SCFD2: variants seen among roughly 807,000 people sequenced by gnomAD.
The protein encoded by SCFD2 is sec1 family domain containing 2.
Under a neutral mutation model 58.9 loss-of-function variants are expected in SCFD2, and 54 were observed. That is an observed-to-expected ratio of 0.92 (90% CI 0.74 to 1.15). SCFD2 has a LOEUF of 1.15. Among genes scored for constraint, SCFD2 ranks in the 50% most tolerant of loss-of-function variants. SCFD2 has a pLI of 0.00. For synonymous variants in SCFD2, 321 were observed against 335.9 expected (o/e 0.96, Z 0.49); for missense variants, 805 against 836.6 (o/e 0.96, Z 0.47).
chr4:53,258,315 G>A (rs766339049), intron 4 of SCFD2, among the ~76,000 whole-genome samples: 12 of 151,620 alleles, frequency 7.9e-5, no homozygotes, highest in Non-Finnish European at 1.5e-4. Flanking sequence ...TTTATCCCCC[G>A]CCTACACACA....
At chr4:52,888,486 A>G (rs1718804435) in intron 7 of SCFD2, among the ~76,000 whole-genome samples, 1 of 152,200 alleles carries the variant, frequency 6.6e-6, no homozygotes, top group Non-Finnish European at 1.5e-5. Context: ...CAGACACCAT[A>G]GCAATGCTGC....
At chr4:53,094,940 A>C (rs1724575010) in intron 5 of SCFD2, among the ~76,000 whole-genome samples, 1 of 152,114 alleles carries the variant, frequency 6.6e-6, no homozygotes, top group African/African-American at 2.4e-5. Context: ...CAATGGTCAA[A>C]ACTCAGTCCT....
chr4:53,040,017 C>A (rs1168515088), intron 5 of SCFD2, among the ~76,000 whole-genome samples: 1 of 152,164 alleles, frequency 6.6e-6, no homozygotes, highest in African/African-American at 2.4e-5. Flanking sequence ...GCTTATCTTC[C>A]CAACACGGCT....
chr4:52,943,127 C>T (rs907343973), intron 5 of SCFD2, among the ~76,000 whole-genome samples: 2 of 152,138 alleles, frequency 1.3e-5, no homozygotes, highest in African/African-American at 4.8e-5. Flanking sequence ...CTGCAGCCCC[C>T]AGCTTCTCTG....
At chr4:53,015,752 A>C (rs567259066) in intron 5 of SCFD2, among the ~76,000 whole-genome samples, 49 of 152,312 alleles carry the variant, frequency 3.2e-4, no homozygotes, top group African/African-American at 1.2e-3. Flanking sequence ...TTTGGGGAGA[A>C]GAGAAATAGC....
At chr4:53,187,461 T>C (rs954202844) in intron 4 of SCFD2, among the ~76,000 whole-genome samples, 21 of 152,174 alleles carry the variant, frequency 1.4e-4, no homozygotes, top group African/African-American at 4.3e-4. Flanking sequence ...ACCTAGGAAA[T>C]TGAGGCATTT....
chr4:53,098,783 CTA>C (rs1217823942), intron 5 of SCFD2, among the ~76,000 whole-genome samples: 1 of 152,050 alleles, frequency 6.6e-6, no homozygotes, highest in Non-Finnish European at 1.5e-5. Flanking sequence ...CCCTTAATGA[CTA>C]TATGATTACT....
chr4:53,233,629 C>T (rs557849058), intron 4 of SCFD2, among the ~76,000 whole-genome samples: 151 of 152,318 alleles, frequency 9.9e-4, no homozygotes, highest in African/African-American at 3.5e-3. Flanking sequence ...TGATCAGATG[C>T]TTGGCACAGA....
chr4:53,194,342 A>C (rs1313083400), intron 4 of SCFD2, among the ~76,000 whole-genome samples: 1 of 152,150 alleles, frequency 6.6e-6, no homozygotes, highest in African/African-American at 2.4e-5. Flanking sequence ...CTTTTGGTCA[A>C]TGCTTATTCC....
intron 3 of SCFD2, among the ~76,000 whole-genome samples, chr4:53,275,299 A>C (rs1187601147): frequency 2.0e-5 from 3 of 152,186 alleles, no homozygotes; most frequent in South Asian, 2.1e-4. Flanking sequence ...GAAGAGATAA[A>C]GAATGTTTAA....
intron 1 of SCFD2, among the ~76,000 whole-genome samples, chr4:53,354,617 CTT>C (rs1273564248): frequency 6.6e-6 from 1 of 152,178 alleles, no homozygotes; most frequent in Non-Finnish European, 1.5e-5. Context: ...GCTGCTAACA[CTT>C]TGTCACCTCT....
rs1057103393 is a variant in SCFD2 at position 52,873,243 on chromosome 4, T to C, written c.*726A>G. The C allele has an allele frequency of 6.6e-6, 1 of 152,370 alleles. No individual in the cohort carries two copies. The allele number at this position is 152,370 out of a possible 1,614,324, so 9.4% of individuals were successfully genotyped here. On this transcript the variant is annotated 3_prime_UTR_variant, in exon 9 of 9. Coordinates refer to ENST00000401642, the MANE Select transcript of SCFD2 (RefSeq NM_152540.4). ...AATTTAGACTCCCTGGGACCAGGTATCTTGTACTGGAGTCTTTCTTTGGAG... is the reference window on the plus strand; with the variant it reads ...AATTTAGACTCCCTGGGACCAGGTACCTTGTACTGGAGTCTTTCTTTGGAG...
At chr4:53,119,662 T>C (rs1725425577) in intron 5 of SCFD2, among the ~76,000 whole-genome samples, 1 of 152,170 alleles carries the variant, frequency 6.6e-6, no homozygotes, top group Non-Finnish European at 1.5e-5. Context: ...GTGTTTGGTA[T>C]AGGCATGTGT....
intron 3 of SCFD2, among the ~76,000 whole-genome samples, chr4:53,282,423 G>A (rs1050565598): frequency 6.6e-6 from 1 of 151,838 alleles, no homozygotes; most frequent in African/African-American, 2.4e-5. Context: ...TGAAGTTTTT[G>A]GCTATTTTAT....
chr4:52,931,051 T>C (rs1577836185), intron 5 of SCFD2, among the ~76,000 whole-genome samples: 1 of 152,190 alleles, frequency 6.6e-6, no homozygotes, highest in East Asian at 1.9e-4. Flanking sequence ...TTCACAAATC[T>C]TCCCATTCCC....
At chr4:52,935,917 A>C (rs1720123964) in intron 5 of SCFD2, among the ~76,000 whole-genome samples, 2 of 151,572 alleles carry the variant, frequency 1.3e-5, no homozygotes, top group South Asian at 4.2e-4. Flanking sequence ...GGCTCACCAC[A>C]ACCTCCGCCT....
chr4:53,336,717 G>A (rs971874306), intron 2 of SCFD2, among the ~76,000 whole-genome samples: 6 of 152,022 alleles, frequency 3.9e-5, no homozygotes, highest in African/African-American at 1.2e-4. Context: ...GTCTTGGTAT[G>A]TTGCCCAGGC....
intron 3 of SCFD2, among the ~76,000 whole-genome samples, chr4:53,287,139 G>C (rs1245612445): frequency 6.6e-6 from 1 of 152,174 alleles, no homozygotes; most frequent in Non-Finnish European, 1.5e-5. Context: ...CACACTCACA[G>C]TCCCCAACTT....
At chr4:52,875,485 G>C (rs1718448743) in intron 8 of SCFD2, among the ~76,000 whole-genome samples, 1 of 151,964 alleles carries the variant, frequency 6.6e-6, no homozygotes, top group African/African-American at 2.4e-5. Context: ...AAGGCCCACA[G>C]CATGACTACA....
Sources: allele counts gnomAD v4.1 joint callset (sites outside exome capture counted in the v4.1 genomes callset), GRCh38; gene constraint gnomAD v4.1.1; transcripts MANE v1.5; gene names NCBI Gene and HGNC (gene_info 2026-07-23, HGNC 2026-07-21).